LRRC37A2: variants seen among roughly 807,000 people sequenced by gnomAD.
LRRC37A2 encodes leucine-rich repeat-containing protein 37A2.
Under a neutral mutation model 68.8 loss-of-function variants are expected in LRRC37A2, and 9 were observed. The ratio of observed to expected loss-of-function variants is 0.13; its 90% CI spans 0.08 to 0.23. LRRC37A2 has a LOEUF of 0.23. LRRC37A2 is among the 10% of genes least tolerant of loss of function. The pLI, the probability that LRRC37A2 is intolerant of heterozygous loss-of-function variation, is 1.00. For missense variants in LRRC37A2, 168 were observed against 950.4 expected (o/e 0.18, Z 10.82); for synonymous variants, 63 against 367.6 (o/e 0.17, Z 9.48).
At chr17:46,755,722 ATTTT>A in the LRRC37A2 span, 4,034 of 1,039,426 alleles carry the variant, frequency 3.9e-3, no homozygotes, top group East Asian at 0.022. Context: ...GCTTTTAGTG[ATTTT>A]TTTTTTTTTT....
the LRRC37A2 span, among the ~76,000 whole-genome samples, chr17:46,888,428 G>A: frequency 6.6e-6 from 1 of 152,198 alleles, no homozygotes; most frequent in African/African-American, 2.4e-5. Flanking sequence ...GTCATTGGCA[G>A]AGGCTAGGGA....
chr17:46,748,999 G>A, the LRRC37A2 span, among the ~76,000 whole-genome samples: 1 of 152,152 alleles, frequency 6.6e-6, no homozygotes, highest in African/African-American at 2.4e-5. Context: ...GGCATGTGGT[G>A]GGGGAAGGGG....
At chr17:46,485,977 CAAAA>C in the LRRC37A2 span, among the ~76,000 whole-genome samples, 5 of 35,762 alleles carry the variant, frequency 1.4e-4, 1 homozygote, top group Non-Finnish European at 2.8e-4. Context: ...GACTCCGTCT[CAAAA>C]AAAAAAAAAA....
At chr17:46,972,179 T>A in the LRRC37A2 span, among the ~76,000 whole-genome samples, 1 of 152,202 alleles carries the variant, frequency 6.6e-6, no homozygotes, top group African/African-American at 2.4e-5. Context: ...ACCCTGGGGC[T>A]GGGCTGGGGC....
the LRRC37A2 span, among the ~76,000 whole-genome samples, chr17:46,883,246 T>C: frequency 1.7e-4 from 25 of 150,718 alleles, 1 homozygote; most frequent in South Asian, 5.3e-3. Context: ...CCTCCCAAAG[T>C]GCTGGGATTA....
the LRRC37A2 span, among the ~76,000 whole-genome samples, chr17:46,842,544 A>G: frequency 1.3e-5 from 2 of 151,602 alleles, no homozygotes; most frequent in South Asian, 4.2e-4. Context: ...CCAGCTATTA[A>G]TTTTTTTTGT....
the LRRC37A2 span, among the ~76,000 whole-genome samples, chr17:46,601,842 G>A: frequency 1.7e-4 from 26 of 150,548 alleles, no homozygotes; most frequent in South Asian, 4.2e-4. Flanking sequence ...GCTCTTTTCC[G>A]TATGAATTCT....
the LRRC37A2 span, chr17:46,964,931 C>G: frequency 6.6e-6 from 1 of 152,230 alleles, no homozygotes; most frequent in Admixed American, 6.5e-5. Flanking sequence ...TTGACAGGAG[C>G]TTCCTACTTT....
At chr17:46,975,563 A>G in the LRRC37A2 span, 3 of 152,238 alleles carry the variant, frequency 2.0e-5, no homozygotes, top group Non-Finnish European at 4.4e-5. Flanking sequence ...CCTGGGGAGA[A>G]CTAAGACGGT....
At chr17:46,769,592 C>G in the LRRC37A2 span, among the ~76,000 whole-genome samples, 1 of 152,112 alleles carries the variant, frequency 6.6e-6, no homozygotes, top group Non-Finnish European at 1.5e-5. Flanking sequence ...AGTCCAGGAA[C>G]TGCCCAAGGA....
the LRRC37A2 span, among the ~76,000 whole-genome samples, chr17:46,784,924 C>T: frequency 3.3e-5 from 5 of 151,958 alleles, no homozygotes; most frequent in Non-Finnish European, 7.4e-5. Context: ...TACAGGCACC[C>T]GCCACCATGC....
At chr17:46,979,203 G>A in the LRRC37A2 span, 1 of 469,532 alleles carries the variant, frequency 2.1e-6, no homozygotes, top group Non-Finnish European at 3.6e-6. Flanking sequence ...GCGACCGCCC[G>A]GAGGAGCGAG....
chr17:46,906,991 CA>C, the LRRC37A2 span, among the ~76,000 whole-genome samples: 1 of 152,182 alleles, frequency 6.6e-6, no homozygotes. Context: ...AACTGAAGGT[CA>C]GACTAGTATA....
chr17:46,849,849 C>CTTTT, the LRRC37A2 span, among the ~76,000 whole-genome samples: 703 of 145,742 alleles, frequency 4.8e-3, 9 homozygotes, highest in East Asian at 0.015. Flanking sequence ...CATTTAATAT[C>CTTTT]TTTTTTTTTT....
At chr17:46,951,539 C>T in the LRRC37A2 span, among the ~76,000 whole-genome samples, 1 of 152,146 alleles carries the variant, frequency 6.6e-6, no homozygotes, top group Non-Finnish European at 1.5e-5. Context: ...TTGAAAACGA[C>T]CATATAATCA....
At chr17:46,995,622 A>G in the LRRC37A2 span, among the ~76,000 whole-genome samples, 1 of 152,186 alleles carries the variant, frequency 6.6e-6, no homozygotes, top group African/African-American at 2.4e-5. Flanking sequence ...ACCATGGGGT[A>G]GAAGTCATGT....
At chr17:46,896,451 A>AG in the LRRC37A2 span, among the ~76,000 whole-genome samples, 1,056 of 42,184 alleles carry the variant, frequency 0.025, 30 homozygotes, top group African/African-American at 0.048. Flanking sequence ...AGAAAGAAAG[A>AG]AAAAGAAAGA....
chr17:46,978,608 T>C, the LRRC37A2 span: 14 of 1,545,718 alleles, frequency 9.1e-6, no homozygotes, highest in Non-Finnish European at 1.1e-5. Flanking sequence ...GGGGTCCTTC[T>C]TGCAGCAGCG....
At chr17:46,826,744 G>A in the LRRC37A2 span, among the ~76,000 whole-genome samples, 1 of 151,460 alleles carries the variant, frequency 6.6e-6, no homozygotes, top group African/African-American at 2.4e-5. Flanking sequence ...AATGATCGGT[G>A]AGCATCCACT....
Sources: gnomAD v4.1 joint callset for allele counts (sites outside exome capture counted in the v4.1 genomes callset) on GRCh38, gnomAD v4.1.1 for gene constraint, MANE v1.5 for transcripts, NCBI Gene and HGNC (gene_info 2026-07-23, HGNC 2026-07-21) for gene names.